The following GABRB3 variants were observed in gnomAD, a reference collection of about 807,000 sequenced individuals.
The protein encoded by GABRB3 is gamma-aminobutyric acid type A receptor subunit beta3.
Under a neutral mutation model 52.1 loss-of-function variants are expected in GABRB3, and 14 were observed. The ratio of observed to expected loss-of-function variants is 0.27; its 90% CI spans 0.18 to 0.42. The LOEUF is 0.42. Among genes scored for constraint, GABRB3 ranks in the 10% least tolerant of loss-of-function variants. The pLI is 1.00. For synonymous variants in GABRB3, 260 were observed against 232.3 expected, an observed-to-expected ratio of 1.12 and a Z score of -1.08; for missense variants, 307 against 609.1, an observed-to-expected ratio of 0.50 and a Z score of 5.22.
intron 3 of GABRB3, among the ~76,000 whole-genome samples, chr15:26,659,698 G>A (rs376758435): frequency 6.2e-4 from 95 of 152,254 alleles, no homozygotes; most frequent in African/African-American, 2.2e-3. Flanking sequence ...ATGGAAATGA[G>A]GAAGAAATAC....
intron 4 of GABRB3, chr15:26,615,968 C>G (rs771884340): frequency 7.8e-7 from 1 of 1,289,136 alleles, no homozygotes; most frequent in Non-Finnish European, 1.0e-6. Flanking sequence ...ACAGCAGGAA[C>G]AACCCCAGCT....
intron 4 of GABRB3, among the ~76,000 whole-genome samples, chr15:26,585,579 G>A (rs1890952856): frequency 6.6e-6 from 1 of 152,120 alleles, no homozygotes; most frequent in African/African-American, 2.4e-5. Flanking sequence ...AAGCAGTGAG[G>A]GATAATGCCA....
intron 3 of GABRB3, among the ~76,000 whole-genome samples, chr15:26,682,869 G>A (rs986392930): frequency 2.0e-5 from 3 of 152,302 alleles, no homozygotes; most frequent in African/African-American, 4.8e-5. Context: ...CAGAACACTC[G>A]GCAAGCTGGG....
chr15:26,656,612 G>C (rs981203888), intron 3 of GABRB3, among the ~76,000 whole-genome samples: 1 of 152,214 alleles, frequency 6.6e-6, no homozygotes, highest in African/African-American at 2.4e-5. Flanking sequence ...CCCCCTGTTA[G>C]ATCAGTGGCA....
chr15:26,746,071 C>T (rs183500589), intron 3 of GABRB3, among the ~76,000 whole-genome samples: 203 of 152,244 alleles, frequency 1.3e-3, no homozygotes, highest in Non-Finnish European at 1.8e-3. Context: ...CCACCAGCAA[C>T]GTAGGAGTGA....
At chr15:26,646,649 A>G (rs1395093468) in intron 3 of GABRB3, among the ~76,000 whole-genome samples, 1 of 152,098 alleles carries the variant, frequency 6.6e-6, no homozygotes, top group Non-Finnish European at 1.5e-5. Context: ...AAGTAGCTGC[A>G]TTATTTCACC....
intron 6 of GABRB3, among the ~76,000 whole-genome samples, chr15:26,576,648 A>T (rs1243935916): frequency 6.6e-6 from 1 of 152,168 alleles, no homozygotes; most frequent in Non-Finnish European, 1.5e-5. Context: ...AGAGAGAAAG[A>T]AAAAAGAGAG....
At chr15:26,770,516 A>G (rs978641419) in intron 3 of GABRB3, among the ~76,000 whole-genome samples, 1 of 152,258 alleles carries the variant, frequency 6.6e-6, no homozygotes, top group African/African-American at 2.4e-5. Context: ...TAAACGTACC[A>G]ACTATCAGCA....
chr15:26,614,930 A>C (rs1892200501), intron 4 of GABRB3: 1 of 152,166 alleles, frequency 6.6e-6, no homozygotes, highest in South Asian at 2.1e-4. Flanking sequence ...TTGATGACTC[A>C]GCCTCAGATT....
chr15:26,767,174 G>A (rs1478854883), intron 3 of GABRB3: 1 of 152,160 alleles, frequency 6.6e-6, no homozygotes, highest in Non-Finnish European at 1.5e-5. Flanking sequence ...GCAACCTAGA[G>A]CCAAGCACAG....
At chr15:26,742,382 T>TG (rs1440479546) in intron 3 of GABRB3, among the ~76,000 whole-genome samples, 18 of 72,984 alleles carry the variant, frequency 2.5e-4, no homozygotes, top group South Asian at 7.0e-4. Context: ...TATGATGTAT[T>TG]GAAAAAAAAA....
At chr15:26,712,839 G>A (rs1418604783) in intron 3 of GABRB3, among the ~76,000 whole-genome samples, 2 of 152,172 alleles carry the variant, frequency 1.3e-5, no homozygotes, top group Admixed American at 6.5e-5. Flanking sequence ...TATCGTGGCC[G>A]GAGCAGAGGC....
At position 26,760,809 on chromosome 15, in the gene GABRB3, G is replaced by GCACACA. The variant is rs10522762; in HGVS notation, c.240+11587_240+11592dup. 4.5e-3 allele frequency among the ~76,000 whole-genome samples: 672 copies of GCACACA among 149,378 alleles called. 3 individuals carry two copies. Among genetic ancestry groups the GCACACA allele is most frequent in the African/African-American group, 0.012 (500 of 40,478 alleles). ...AATGCCAACACACACACACGCGCAC[G>GCACACA]CACACACACACACACACAAGCAAAC... On this transcript the variant is annotated intron_variant, in intron 3 of 8. Coordinates refer to ENST00000311550, the MANE Select transcript of GABRB3 (RefSeq NM_000814.6).
At chr15:26,739,972 C>G (rs989053056) in intron 3 of GABRB3, among the ~76,000 whole-genome samples, 2 of 152,146 alleles carry the variant, frequency 1.3e-5, no homozygotes, top group Admixed American at 6.5e-5. Flanking sequence ...CACTTCCTGC[C>G]GTGACACCTG....
intron 4 of GABRB3, among the ~76,000 whole-genome samples, chr15:26,599,625 TTG>T (rs1891515919): frequency 1.3e-5 from 2 of 152,272 alleles, no homozygotes; most frequent in South Asian, 4.1e-4. Flanking sequence ...AACCACAGAA[TTG>T]AAAAGCTCTG....
intron 8 of GABRB3, among the ~76,000 whole-genome samples, chr15:26,558,332 C>T (rs1889832957): frequency 6.6e-6 from 1 of 152,294 alleles, no homozygotes; most frequent in East Asian, 1.9e-4. Flanking sequence ...ACTTAATGTG[C>T]TTCCATGGGT....
chr15:26,699,525 A>T (rs996892411), intron 3 of GABRB3, among the ~76,000 whole-genome samples: 2 of 152,054 alleles, frequency 1.3e-5, no homozygotes, highest in Non-Finnish European at 2.9e-5. Context: ...TTTAAATGTC[A>T]GAATTAGCAA....
rs1887654599 is a variant in GABRB3 at position 26,664,710 on chromosome 15, T to TTTTTTTTTTTTTTTTTTTTTG, written c.241-43177_241-43176insCAAAAAAAAAAAAAAAAAAAA. Among the ~76,000 whole-genome samples, 2 of 143,732 alleles carry TTTTTTTTTTTTTTTTTTTTTG rather than the reference T, an allele frequency of 1.4e-5. 1 individual carries two copies. Among genetic ancestry groups the TTTTTTTTTTTTTTTTTTTTTG allele is most frequent in the Non-Finnish European group, 3.0e-5 (2 of 65,748 alleles). The allele number at this position is 143,732 out of a possible 152,430, so 94.3% of individuals were successfully genotyped here. On this transcript the variant is annotated intron_variant, in intron 3 of 8. Coordinates refer to ENST00000311550, the MANE Select transcript of GABRB3 (RefSeq NM_000814.6). ...CATTTCTTTTCTTTTCTTTGTTTTT[T>TTTTTTTTTTTTTTTTTTTTTG]TTTTTTTTTTTTTGGTGGAGTTTCG...
intron 8 of GABRB3, among the ~76,000 whole-genome samples, chr15:26,550,813 G>C (rs73366444): frequency 0.023 from 3,557 of 152,240 alleles, 168 homozygotes; most frequent in African/African-American, 0.08. Flanking sequence ...CTGCACGTGT[G>C]GCCTAACAGA....
Sources: allele counts gnomAD v4.1 joint callset (sites outside exome capture counted in the v4.1 genomes callset), GRCh38; gene constraint gnomAD v4.1.1; transcripts MANE v1.5; gene names NCBI Gene and HGNC (gene_info 2026-07-23, HGNC 2026-07-21).